The following RAD51B variants were observed in gnomAD, a reference collection of about 807,000 sequenced individuals.
RAD51B encodes DNA repair protein RAD51 homolog 2.
A neutral mutation model predicts 42.2 loss-of-function variants in RAD51B; 38 were observed. The observed-to-expected ratio is 0.90, with a 90% CI of 0.70 to 1.18. The LOEUF (loss-of-function observed/expected upper bound fraction) is 1.18. RAD51B is among the 50% of genes most tolerant of loss of function. The pLI is 0.00. For synonymous variants in RAD51B, 154 were observed against 145.2 expected (o/e 1.06, Z -0.43); for missense variants, 373 against 400.7 (o/e 0.93, Z 0.59).
At chr14:67,820,471 A>G (rs1040379057) in intron 1 of RAD51B, among the ~76,000 whole-genome samples, 1 of 152,184 alleles carries the variant, frequency 6.6e-6, no homozygotes, top group Non-Finnish European at 1.5e-5. Flanking sequence ...TAAGGAGGAC[A>G]GGGTTCATTC....
chr14:68,087,919 A>G (rs1188736704), intron 7 of RAD51B, among the ~76,000 whole-genome samples: 1 of 116,764 alleles, frequency 8.6e-6, no homozygotes, highest in African/African-American at 4.0e-5. Flanking sequence ...TATATAATAT[A>G]TTATATATAA....
At chr14:68,032,666 A>G (rs2076065540) in intron 7 of RAD51B, among the ~76,000 whole-genome samples, 1 of 152,164 alleles carries the variant, frequency 6.6e-6, no homozygotes, top group African/African-American at 2.4e-5. Flanking sequence ...TATTGTGACA[A>G]TAGCCTTCTA....
At chr14:68,506,336 C>T (rs1885318247) in intron 10 of RAD51B, among the ~76,000 whole-genome samples, 1 of 152,236 alleles carries the variant, frequency 6.6e-6, no homozygotes, top group African/African-American at 2.4e-5. Flanking sequence ...TTCCACCCTG[C>T]CACCCATAGC....
chr14:68,576,995 G>C (rs72729528), intron 10 of RAD51B, among the ~76,000 whole-genome samples: 3,399 of 152,314 alleles, frequency 0.022, 55 homozygotes, highest in Non-Finnish European at 0.035. Context: ...AGATTCCCTG[G>C]AAAGCAAGCT....
intron 7 of RAD51B, among the ~76,000 whole-genome samples, chr14:68,083,545 A>G (rs1265755585): frequency 6.6e-6 from 1 of 152,164 alleles, no homozygotes; most frequent in Non-Finnish European, 1.5e-5. Context: ...GCCTACTCTG[A>G]TGTTGTGCAG....
intron 8 of RAD51B, among the ~76,000 whole-genome samples, chr14:68,389,479 C>T (rs911515329): frequency 2.0e-5 from 3 of 152,134 alleles, no homozygotes; most frequent in Non-Finnish European, 4.4e-5. Flanking sequence ...ATAGATAGCT[C>T]CCAAGAAGAA....
At chr14:68,631,834 G>T (rs190153050) in intron 10 of RAD51B, among the ~76,000 whole-genome samples, 356 of 152,250 alleles carry the variant, frequency 2.3e-3, no homozygotes, top group African/African-American at 8.2e-3. Flanking sequence ...CTGTGTGTGC[G>T]CTGCGTGCTG....
intron 7 of RAD51B, among the ~76,000 whole-genome samples, chr14:68,203,646 G>C (rs560006819): frequency 3.3e-5 from 5 of 152,170 alleles, no homozygotes; most frequent in African/African-American, 1.2e-4. Context: ...AGCTTTGACA[G>C]TCTGAGATGG....
intron 7 of RAD51B, among the ~76,000 whole-genome samples, chr14:68,169,886 A>G (rs1327511216): frequency 6.6e-6 from 1 of 152,176 alleles, no homozygotes; most frequent in Non-Finnish European, 1.5e-5. Flanking sequence ...TACAGCAAAG[A>G]CTTTTCTAAA....
chr14:67,998,126 G>A (rs1400231366), intron 7 of RAD51B, among the ~76,000 whole-genome samples: 2 of 152,124 alleles, frequency 1.3e-5, no homozygotes, highest in African/African-American at 4.8e-5. Context: ...TTAGCAATCT[G>A]TGTTTTAATA....
intron 10 of RAD51B, among the ~76,000 whole-genome samples, chr14:68,554,290 C>T (rs1888718939): frequency 6.6e-6 from 1 of 152,216 alleles, no homozygotes; most frequent in Admixed American, 6.5e-5. Flanking sequence ...ACCTTGACCT[C>T]CTAAGCAAGA....
chr14:68,039,998 G>A (rs547653917), intron 7 of RAD51B, among the ~76,000 whole-genome samples: 1 of 152,300 alleles, frequency 6.6e-6, no homozygotes, highest in Admixed American at 6.5e-5. Flanking sequence ...ACCCACTGTT[G>A]GGAGGTAGTT....
At chr14:67,914,287 G>A (rs1566955627) in intron 7 of RAD51B, among the ~76,000 whole-genome samples, 1 of 152,040 alleles carries the variant, frequency 6.6e-6, no homozygotes, top group Non-Finnish European at 1.5e-5. Context: ...CCGGCCAAGT[G>A]TTTTAATTTT....
At chr14:67,915,156 T>C (rs1428044311) in intron 7 of RAD51B, among the ~76,000 whole-genome samples, 2 of 152,158 alleles carry the variant, frequency 1.3e-5, no homozygotes, top group Admixed American at 6.6e-5. Context: ...ATGGGATTAT[T>C]TGTATTCTAA....
At chr14:68,628,944 A>G (rs1271328117) in intron 10 of RAD51B, among the ~76,000 whole-genome samples, 2 of 152,124 alleles carry the variant, frequency 1.3e-5, no homozygotes, top group Non-Finnish European at 2.9e-5. Context: ...TATCACTCAG[A>G]CACTTTGAAA....
chr14:68,203,864 T>G (rs1471506876), intron 7 of RAD51B, among the ~76,000 whole-genome samples: 1 of 152,248 alleles, frequency 6.6e-6, no homozygotes, highest in East Asian at 1.9e-4. Context: ...AACTTCCAAC[T>G]TTTCTTCTGC....
intron 7 of RAD51B, among the ~76,000 whole-genome samples, chr14:68,014,892 G>C (rs1433273211): frequency 6.8e-6 from 1 of 148,046 alleles, no homozygotes; most frequent in African/African-American, 2.5e-5. Context: ...TTGCTATCTT[G>C]TTTACTGCTC....
rs202189847 is a variant in RAD51B at position 67,982,735 on chromosome 14, G to GT, written c.756+95540dup. On this transcript the variant is annotated intron_variant, in intron 7 of 10. Coordinates refer to ENST00000471583, the MANE Select transcript of RAD51B (RefSeq NM_133510.4). ...CCCCATATTTTGCTTCTGCTTCTAT[G>GT]TTTTTTTTTAAAACCAAATGATTAC... Among the ~76,000 whole-genome samples the GT allele has an allele frequency of 3.2e-4, 49 of 150,790 alleles. 2 individuals are homozygous for GT. In the East Asian group the frequency reaches 5.0e-3, roughly 15 times the overall value.
intron 9 of RAD51B, among the ~76,000 whole-genome samples, chr14:68,417,799 C>G (rs535752105): frequency 6.6e-5 from 10 of 152,290 alleles, no homozygotes; most frequent in Non-Finnish European, 1.5e-5. Context: ...CCATGGGACT[C>G]CCTTTGAAAA....
Sources: allele counts gnomAD v4.1 joint callset (sites outside exome capture counted in the v4.1 genomes callset), GRCh38; gene constraint gnomAD v4.1.1; transcripts MANE v1.5; gene names NCBI Gene and HGNC (gene_info 2026-07-23, HGNC 2026-07-21).